The following SAMMSON variants were observed in gnomAD, a reference collection of about 807,000 sequenced individuals.
SAMMSON encodes long intergenic non-protein coding RNA 1212.
chr3:70,131,952 A>G (rs986825328), intron 4 of SAMMSON, among the ~76,000 whole-genome samples: 2 of 152,168 alleles, frequency 1.3e-5, no homozygotes, highest in Non-Finnish European at 2.9e-5. Flanking sequence ...AGGAGATGAT[A>G]TTGAGAAATA....
chr3:70,206,669 T>G (rs915241936), intron 4 of SAMMSON: 1 of 397,962 alleles, frequency 2.5e-6, no homozygotes, highest in Non-Finnish European at 4.4e-6. Context: ...ATTCTGACAG[T>G]TTTTTCTCAT....
intron 6 of SAMMSON, among the ~76,000 whole-genome samples, chr3:70,287,545 T>G (rs1702178964): frequency 6.6e-6 from 1 of 151,962 alleles, no homozygotes; most frequent in Non-Finnish European, 1.5e-5. Context: ...TCTGCCCGGC[T>G]TTGGTATCAG....
At chr3:70,262,227 G>C (rs1288131995) in intron 6 of SAMMSON, among the ~76,000 whole-genome samples, 1 of 152,144 alleles carries the variant, frequency 6.6e-6, no homozygotes, top group African/African-American at 2.4e-5. Context: ...GAAAATGCAT[G>C]AATAATTATA....
chr3:70,386,763 C>A (rs904002626), intron 9 of SAMMSON, among the ~76,000 whole-genome samples: 1 of 151,922 alleles, frequency 6.6e-6, no homozygotes, highest in African/African-American at 2.4e-5. Flanking sequence ...TTTTATTTAC[C>A]TTCTAACAGA....
chr3:70,282,588 C>A (rs960416428), intron 6 of SAMMSON, among the ~76,000 whole-genome samples: 1 of 152,148 alleles, frequency 6.6e-6, no homozygotes, highest in African/African-American at 2.4e-5. Context: ...GAACTTTGCA[C>A]TTGCTATTTT....
chr3:70,063,852 G>C (rs981581412), intron 3 of SAMMSON, among the ~76,000 whole-genome samples: 1 of 152,040 alleles, frequency 6.6e-6, no homozygotes, highest in Non-Finnish European at 1.5e-5. Flanking sequence ...TTTGTAAAGG[G>C]CTTAGCACAG....
At chr3:70,269,445 G>A (rs1298040902) in intron 6 of SAMMSON, among the ~76,000 whole-genome samples, 1 of 152,110 alleles carries the variant, frequency 6.6e-6, no homozygotes, top group Admixed American at 6.5e-5. Flanking sequence ...TTCTAACCAT[G>A]TTCAAGTAAG....
intron 6 of SAMMSON, among the ~76,000 whole-genome samples, chr3:70,270,226 G>T (rs1056769360): frequency 6.6e-6 from 1 of 152,090 alleles, no homozygotes; most frequent in Non-Finnish European, 1.5e-5. Flanking sequence ...ATGACCAGTT[G>T]GTTTTACAAA....
intron 4 of SAMMSON, among the ~76,000 whole-genome samples, chr3:70,216,311 T>TA (rs1233442632): frequency 4.0e-5 from 6 of 150,434 alleles, no homozygotes; most frequent in African/African-American, 1.2e-4. Context: ...CTACATATTC[T>TA]AATTATAATT....
At chr3:70,318,362 C>T (rs1702509971) in intron 7 of SAMMSON, among the ~76,000 whole-genome samples, 1 of 151,950 alleles carries the variant, frequency 6.6e-6, no homozygotes. Flanking sequence ...GATTTGTCTT[C>T]AAGGTCACTA....
rs560102695 is a variant in SAMMSON, at chr3:70,044,964, G to A, written n.418-26512G>A. 1.1e-3 allele frequency among the ~76,000 whole-genome samples: 139 copies of A among 129,922 alleles called. 5 individuals carry two copies. The highest frequency in any genetic ancestry group is 4.1e-3 in the African/African-American group (129 of 31,620). 85.2% of individuals were successfully genotyped at this position (129,922 alleles called of 152,430 possible). A position where few individuals can be genotyped will look rare whatever the true frequency, so the allele number is the denominator to read the frequency against. On this transcript the variant is annotated intron_variant and non_coding_transcript_variant, in intron 3 of 9. Coordinates refer to ENST00000642114, the Ensembl canonical transcript of SAMMSON. The stretch of plus-strand genomic sequence containing the variant: ...AAGGTAAAATACTTTAATTATATTA[G>A]AGTATTACATAAAGTAAAATACTTT...
chr3:70,212,288 A>AT (rs1170318342), intron 4 of SAMMSON, among the ~76,000 whole-genome samples: 2 of 152,146 alleles, frequency 1.3e-5, no homozygotes, highest in African/African-American at 4.8e-5. Flanking sequence ...TCTATTGGAC[A>AT]TTTTTTGTGG....
At chr3:70,382,128 A>C (rs1235411108) in intron 9 of SAMMSON, among the ~76,000 whole-genome samples, 1 of 152,170 alleles carries the variant, frequency 6.6e-6, no homozygotes, top group Non-Finnish European at 1.5e-5. Flanking sequence ...AGATGTAGAC[A>C]ATCTTCATTC....
At chr3:70,394,535 T>C (rs974124869), downstream of SAMMSON, among the ~76,000 whole-genome samples, 1 of 152,038 alleles carries the variant, frequency 6.6e-6, no homozygotes, top group Non-Finnish European at 1.5e-5. Context: ...GAGGGAATAA[T>C]GGAGAGTTAC....
At chr3:70,067,455 T>C (rs1232534750) in intron 3 of SAMMSON, among the ~76,000 whole-genome samples, 4 of 152,094 alleles carry the variant, frequency 2.6e-5, no homozygotes, top group African/African-American at 9.7e-5. Context: ...TCATGATTCA[T>C]TGACTGTCAT....
intron 6 of SAMMSON, among the ~76,000 whole-genome samples, chr3:70,269,873 G>T (rs1485281193): frequency 6.6e-6 from 1 of 152,104 alleles, no homozygotes; most frequent in Non-Finnish European, 1.5e-5. Flanking sequence ...TAAGGAAGAA[G>T]TCAAATATAA....
chr3:70,296,600 A>G (rs933300972), intron 7 of SAMMSON, among the ~76,000 whole-genome samples: 1 of 152,132 alleles, frequency 6.6e-6, no homozygotes, highest in Non-Finnish European at 1.5e-5. Context: ...AGGCATGATC[A>G]TTTACCCAGT....
At chr3:70,382,703 A>G (rs1703082104) in intron 9 of SAMMSON, among the ~76,000 whole-genome samples, 2 of 151,794 alleles carry the variant, frequency 1.3e-5, no homozygotes, top group African/African-American at 2.4e-5. Context: ...AGTGTTGTAA[A>G]AATTATAATA....
chr3:70,244,887 T>C (rs1383924453), intron 4 of SAMMSON, among the ~76,000 whole-genome samples: 1 of 152,170 alleles, frequency 6.6e-6, no homozygotes, highest in Admixed American at 6.6e-5. Flanking sequence ...TAATGTACTT[T>C]AAAAAGGAAA....
Sources: gnomAD v4.1 joint callset for allele counts (sites outside exome capture counted in the v4.1 genomes callset) on GRCh38, gnomAD v4.1.1 for gene constraint, MANE v1.5 for transcripts, NCBI Gene and HGNC (gene_info 2026-07-23, HGNC 2026-07-21) for gene names.